Variants in EDA observed in about 807,000 individuals in gnomAD.
The protein encoded by EDA is ectodysplasin-A.
EDA carries 2 observed loss-of-function variants against 23.6 expected under a neutral mutation model. The ratio of observed to expected loss-of-function variants is 0.08; its 90% CI spans 0.03 to 0.27. The LOEUF (loss-of-function observed/expected upper bound fraction) is 0.27, where lower values mean the gene tolerates loss of function less well. EDA is among the 10% of genes least tolerant of loss of function. The pLI, the probability that EDA is intolerant of heterozygous loss-of-function variation, is 1.00. For missense variants in EDA, 229 were observed against 324.2 expected, an observed-to-expected ratio of 0.71 and a Z score of 2.26; for synonymous variants, 131 against 132.0, an observed-to-expected ratio of 0.99 and a Z score of 0.05.
chrX:69,753,174 G>A (rs2013961176), intron 1 of EDA, among the ~76,000 whole-genome samples: 2 of 111,546 alleles, frequency 1.8e-5, no homozygotes, highest in Non-Finnish European at 3.8e-5. Flanking sequence ...ATGTTAGGGT[G>A]TCAATTTTAG....
intron 1 of EDA, among the ~76,000 whole-genome samples, chrX:69,802,320 G>T (rs941344711): frequency 9.2e-6 from 1 of 108,455 alleles, no homozygotes; most frequent in Non-Finnish European, 1.9e-5. Context: ...CAATTCTATT[G>T]CTGTAATATA....
At chrX:69,647,970 G>A (rs192637537) in intron 1 of EDA, among the ~76,000 whole-genome samples, 9 of 111,234 alleles carry the variant, frequency 8.1e-5, no homozygotes, top group Admixed American at 6.7e-4. Context: ...GTTTGCTGGT[G>A]GTCCACTCCA....
chrX:69,702,448 A>G (rs2011560585), intron 1 of EDA, among the ~76,000 whole-genome samples: 1 of 110,655 alleles, frequency 9.0e-6, no homozygotes, highest in Non-Finnish European at 1.9e-5. Context: ...GTGTAGGAAA[A>G]GAAGTGGATA....
intron 1 of EDA, among the ~76,000 whole-genome samples, chrX:69,884,175 A>G (rs1333149236): frequency 1.8e-5 from 2 of 112,305 alleles, no homozygotes; most frequent in Non-Finnish European, 3.8e-5. Context: ...AGATAGTAGT[A>G]GTTGACATAT....
intron 1 of EDA, among the ~76,000 whole-genome samples, chrX:69,946,008 G>A (rs1484648146): frequency 8.9e-6 from 1 of 112,107 alleles, no homozygotes; most frequent in African/African-American, 3.2e-5. Flanking sequence ...AGCTAGCAGA[G>A]AACAGCATTG....
intron 1 of EDA, among the ~76,000 whole-genome samples, chrX:69,674,791 G>A (rs908906734): frequency 9.0e-6 from 1 of 111,185 alleles, no homozygotes; most frequent in Non-Finnish European, 1.9e-5. Context: ...TTTGTTTTGA[G>A]CTTTAAGAAC....
intron 1 of EDA, among the ~76,000 whole-genome samples, chrX:69,784,134 G>A (rs1405328137): frequency 5.4e-5 from 5 of 92,567 alleles, no homozygotes; most frequent in Non-Finnish European, 1.1e-4. Flanking sequence ...TTTTTGATGG[G>A]GTTGTTTGTT....
At chrX:69,855,630 T>A (rs980136940) in intron 1 of EDA, among the ~76,000 whole-genome samples, 3 of 111,435 alleles carry the variant, frequency 2.7e-5, no homozygotes, top group Non-Finnish European at 3.8e-5. Flanking sequence ...GTTGTAGGTG[T>A]GCGGCCTTAT....
chrX:69,838,114 C>G (rs1448354265), intron 1 of EDA, among the ~76,000 whole-genome samples: 1 of 112,390 alleles, frequency 8.9e-6, no homozygotes, highest in Non-Finnish European at 1.9e-5. Context: ...TGGTAAAGAA[C>G]AGGCTGTCCC....
chrX:69,916,464 G>A (rs1021901858), intron 1 of EDA, among the ~76,000 whole-genome samples: 7 of 97,500 alleles, frequency 7.2e-5, no homozygotes, highest in Non-Finnish European at 8.1e-5. Flanking sequence ...GTGCAGTGGC[G>A]CGATCTTGGC....
chrX:69,962,041 A>T (rs1307470063), intron 2 of EDA, among the ~76,000 whole-genome samples: 2 of 112,374 alleles, frequency 1.8e-5, no homozygotes, highest in Non-Finnish European at 3.8e-5. Flanking sequence ...AGGCCTTAGA[A>T]TCAGGTAAAA....
chrX:69,967,067 G>A (rs1012313576), intron 2 of EDA, among the ~76,000 whole-genome samples: 1 of 110,166 alleles, frequency 9.1e-6, no homozygotes, highest in Non-Finnish European at 1.9e-5. Flanking sequence ...TGGATGGGAA[G>A]GGAATAACTA....
chrX:69,833,526 A>C (rs1232031780), intron 1 of EDA, among the ~76,000 whole-genome samples: 3 of 109,749 alleles, frequency 2.7e-5, no homozygotes, highest in South Asian at 4.0e-4. Flanking sequence ...TGTCTCTGCC[A>C]GGCTTTGATA....
intron 1 of EDA, among the ~76,000 whole-genome samples, chrX:69,786,905 A>G (rs1448260454): frequency 2.8e-5 from 3 of 106,390 alleles, no homozygotes; most frequent in Admixed American, 1.0e-4. Flanking sequence ...AAAGTCTCCC[A>G]TTATTAATGT....
At chrX:69,972,860 C>T (rs917566043) in intron 2 of EDA, among the ~76,000 whole-genome samples, 1 of 111,722 alleles carries the variant, frequency 9.0e-6, no homozygotes, top group African/African-American at 3.3e-5. Flanking sequence ...TTCCAACTAC[C>T]TATTGCTTTG....
chrX:69,962,840 T>C (rs57467458), intron 2 of EDA, among the ~76,000 whole-genome samples: 38,872 of 110,932 alleles, frequency 0.35, 5,193 homozygotes, highest in African/African-American at 0.44. Context: ...CCCTAATTTA[T>C]GGACAACAAT....
chrX:69,727,209 C>G (rs2012841097), intron 1 of EDA, among the ~76,000 whole-genome samples: 1 of 111,760 alleles, frequency 8.9e-6, no homozygotes, highest in Non-Finnish European at 1.9e-5. Context: ...TTCTCCTTCT[C>G]TGCTGCACTC....
chrX:69,945,886 T>C (rs1402436404), intron 1 of EDA, among the ~76,000 whole-genome samples: 2 of 111,992 alleles, frequency 1.8e-5, no homozygotes, highest in Non-Finnish European at 3.8e-5. Flanking sequence ...CTCTCAGTTT[T>C]ACAGCCACTG....
intron 1 of EDA, among the ~76,000 whole-genome samples, chrX:69,733,408 T>C (rs1316812768): frequency 8.9e-6 from 1 of 111,765 alleles, no homozygotes; most frequent in Admixed American, 9.5e-5. Context: ...GATCAGATGA[T>C]TGTAGATGTG....
Sources: gnomAD v4.1 joint callset for allele counts (sites outside exome capture counted in the v4.1 genomes callset) on GRCh38, gnomAD v4.1.1 for gene constraint, MANE v1.5 for transcripts, NCBI Gene and HGNC (gene_info 2026-07-23, HGNC 2026-07-21) for gene names.